The following FXR1 variants were observed in gnomAD, a reference collection of about 807,000 sequenced individuals.
FXR1 encodes RNA-binding protein FXR1.
In FXR1, 15 loss-of-function variants were observed where a neutral mutation model predicts 84.0. The ratio of observed to expected loss-of-function variants is 0.18; its 90% CI spans 0.12 to 0.27. The LOEUF is 0.27. Among genes scored for constraint, FXR1 ranks in the 10% least tolerant of loss-of-function variants. The pLI, the probability that FXR1 is intolerant of heterozygous loss-of-function variation, is 1.00. For missense variants in FXR1, 480 were observed against 774.4 expected (o/e 0.62, Z 4.51); for synonymous variants, 245 against 250.7 (o/e 0.98, Z 0.21).
chr3:180,967,819 C>T (rs951912325), intron 13 of FXR1, among the ~76,000 whole-genome samples: 3 of 152,070 alleles, frequency 2.0e-5, no homozygotes, highest in Non-Finnish European at 4.4e-5. Flanking sequence ...TTCTGCACAT[C>T]AGTTTATTTT....
intron 3 of FXR1, among the ~76,000 whole-genome samples, chr3:180,944,533 T>TC (rs1440835954): frequency 6.6e-6 from 1 of 151,978 alleles, no homozygotes; most frequent in Non-Finnish European, 1.5e-5. Context: ...TCCTGTGTTG[T>TC]CCAGGTTGGT....
intron 3 of FXR1, among the ~76,000 whole-genome samples, chr3:180,935,952 C>T (rs925902172): frequency 1.3e-5 from 2 of 151,928 alleles, no homozygotes; most frequent in Admixed American, 6.6e-5. Context: ...AGTGCAATGG[C>T]GCGATCTTGG....
At chr3:180,953,878 C>A (rs1488235074) in intron 9 of FXR1, 38 bp downstream of exon 9, 11 of 1,029,860 alleles carry the variant, frequency 1.1e-5, no homozygotes, top group Non-Finnish European at 9.1e-6. Context: ...AGTTAATAAA[C>A]ATTATTTAGT....
At chr3:180,932,877 C>A (rs1026739127) in intron 1 of FXR1, among the ~76,000 whole-genome samples, 1 of 152,168 alleles carries the variant, frequency 6.6e-6, no homozygotes, top group Admixed American at 6.5e-5. Flanking sequence ...TCATTTACTT[C>A]TGATAAATTT....
chr3:180,919,985 G>GCTAT (rs1176486594), intron 1 of FXR1, among the ~76,000 whole-genome samples: 1 of 152,132 alleles, frequency 6.6e-6, no homozygotes, highest in African/African-American at 2.4e-5. Flanking sequence ...GATAATTTAT[G>GCTAT]CTATCAGTGT....
At chr3:180,949,177 T>C (rs778875021) in intron 6 of FXR1, 50 bp from the exon 7 acceptor site, 1 of 922,538 alleles carries the variant, frequency 1.1e-6, no homozygotes, top group South Asian at 1.3e-5. Context: ...GTGTTTGTGC[T>C]ATTTGGAAGA....
In FXR1 at chr3:180,978,712, AAAAAAGGT is replaced by A. The variant is rs1714448863; in HGVS notation, c.*2422_*2429del. On this transcript the variant is annotated 3_prime_UTR_variant, in exon 17 of 17. Transcript: ENST00000357559. ...CTGAGACCCTCTTTAAAGAGAAGGAAAAAAAGGTATTCTGGAAGATCTTGTGCAGTTGC... is the reference window on the plus strand; with the variant it reads ...CTGAGACCCTCTTTAAAGAGAAGGAAATTCTGGAAGATCTTGTGCAGTTGC... The A allele has an allele frequency of 6.6e-6, 1 of 152,100 alleles. No individual in the cohort carries two copies. Among genetic ancestry groups the A allele is most frequent in the Non-Finnish European group, 1.5e-5 (1 of 67,974 alleles). The allele number at this position is 152,100 out of a possible 1,614,324, so 9.4% of individuals were successfully genotyped here.
intron 1 of FXR1, among the ~76,000 whole-genome samples, chr3:180,926,809 A>G (rs1329770968): frequency 3.3e-5 from 5 of 152,050 alleles, no homozygotes; most frequent in African/African-American, 1.2e-4. Flanking sequence ...AATGGTAGGA[A>G]GGCATCAGTG....
intron 3 of FXR1, among the ~76,000 whole-genome samples, chr3:180,945,788 A>T (rs183196693): frequency 2.6e-5 from 4 of 152,302 alleles, no homozygotes; most frequent in East Asian, 1.9e-4. Context: ...TTGTTGGAGG[A>T]TTTTGCATGA....
intron 13 of FXR1, 46 bp downstream of exon 13, chr3:180,963,136 GT>G (rs755036896): frequency 1.3e-6 from 1 of 755,530 alleles, no homozygotes; most frequent in South Asian, 1.6e-5. Context: ...AGTAATAATA[GT>G]AGTTATAGTT....
chr3:180,969,742 A>G (rs888624855), intron 14 of FXR1, among the ~76,000 whole-genome samples: 2 of 152,234 alleles, frequency 1.3e-5, no homozygotes, highest in Admixed American at 1.3e-4. Context: ...GAACTCAGTT[A>G]AGGGGATGAA....
intron 10 of FXR1, among the ~76,000 whole-genome samples, chr3:180,958,155 A>G (rs1711566506): frequency 6.6e-6 from 1 of 152,162 alleles, no homozygotes; most frequent in Non-Finnish European, 1.5e-5. Flanking sequence ...CCAGTTCTTG[A>G]CATAAAGATT....
chr3:180,950,781 A>G (rs1225563491), intron 7 of FXR1, among the ~76,000 whole-genome samples: 3 of 152,142 alleles, frequency 2.0e-5, no homozygotes, highest in East Asian at 1.9e-4. Flanking sequence ...AGGTTCATCT[A>G]TGTAGCATGT....
At chr3:180,956,636 T>C (rs544371466) in intron 9 of FXR1, among the ~76,000 whole-genome samples, 1 of 152,238 alleles carries the variant, frequency 6.6e-6, no homozygotes, top group South Asian at 2.1e-4. Context: ...GTTGCTTTTA[T>C]GTGCTGCTGC....
intron 14 of FXR1, among the ~76,000 whole-genome samples, chr3:180,969,385 C>G (rs965484311): frequency 1.3e-5 from 2 of 152,158 alleles, no homozygotes; most frequent in Non-Finnish European, 2.9e-5. Context: ...TAGGAAAAAT[C>G]GGAATTAGGT....
intron 1 of FXR1, among the ~76,000 whole-genome samples, chr3:180,931,484 G>C (rs1259458301): frequency 6.6e-6 from 1 of 152,128 alleles, no homozygotes; most frequent in African/African-American, 2.4e-5. Flanking sequence ...CTCCCAAAGT[G>C]CTGGCATTTC....
At chr3:180,921,926 A>G (rs922689272) in intron 1 of FXR1, among the ~76,000 whole-genome samples, 3 of 152,108 alleles carry the variant, frequency 2.0e-5, no homozygotes, top group Non-Finnish European at 4.4e-5. Flanking sequence ...GTGGTTCCAT[A>G]TATTTCACTA....
At chr3:180,919,349 A>G (rs963636405) in intron 1 of FXR1, among the ~76,000 whole-genome samples, 41 of 143,022 alleles carry the variant, frequency 2.9e-4, no homozygotes, top group African/African-American at 1.1e-3. Context: ...CAGTGGCACT[A>G]TCTCGGGTCA....
At chr3:180,962,857 C>G (rs373098942) in intron 11 of FXR1, 26 bp from the exon 12 acceptor site, 27 of 1,496,404 alleles carry the variant, frequency 1.8e-5, no homozygotes, top group Non-Finnish European at 2.5e-5. Context: ...TATAAGAAGA[C>G]TTACTCTTTT....
Sources: allele counts gnomAD v4.1 joint callset (sites outside exome capture counted in the v4.1 genomes callset), GRCh38; gene constraint gnomAD v4.1.1; transcripts MANE v1.5; gene names NCBI Gene and HGNC (gene_info 2026-07-23, HGNC 2026-07-21).